Variants in MAPK10 observed in about 807,000 individuals in gnomAD.
MAPK10 encodes the protein mitogen-activated protein kinase 10, also known as JNK3 alpha protein kinase.
MAPK10 carries 25 observed loss-of-function variants against 59.3 expected under a neutral mutation model. The ratio of observed to expected loss-of-function variants is 0.42; its 90% confidence interval spans 0.31 to 0.59. The LOEUF (loss-of-function observed/expected upper bound fraction) is 0.59, where lower values mean the gene tolerates loss of function less well. Among genes scored for constraint, MAPK10 ranks in the 20% least tolerant of loss-of-function variants. The probability of loss-of-function intolerance (pLI) is 0.15; values close to 1 mark genes in which losing one functional copy is unlikely to be tolerated. For synonymous variants in MAPK10, 190 were observed against 200.5 expected, an observed-to-expected ratio of 0.95 and a Z score of 0.44; for missense variants, 351 against 568.9, an observed-to-expected ratio of 0.62 and a Z score of 3.90.
intron 1 of MAPK10, among the ~76,000 whole-genome samples, chr4:86,516,804 GC>G (rs769355705): frequency 3.9e-5 from 6 of 152,162 alleles, no homozygotes; most frequent in Non-Finnish European, 8.8e-5. Context: ...AGATCCAGGA[GC>G]TTTTTGGATG....
chr4:86,318,579 C>G (rs535376825), intron 2 of MAPK10, among the ~76,000 whole-genome samples: 1 of 152,150 alleles, frequency 6.6e-6, no homozygotes, highest in Admixed American at 6.6e-5. Flanking sequence ...CAAAGTCACA[C>G]AGTGGAAAAA....
intron 1 of MAPK10, among the ~76,000 whole-genome samples, chr4:86,531,146 G>C (rs1432882886): frequency 1.3e-5 from 2 of 152,120 alleles, no homozygotes; most frequent in Non-Finnish European, 2.9e-5. Flanking sequence ...AAGAGCACTG[G>C]GGATTTACTA....
intron 4 of MAPK10, among the ~76,000 whole-genome samples, chr4:86,122,160 A>G (rs2059368776): frequency 6.6e-6 from 1 of 152,168 alleles, no homozygotes; most frequent in Admixed American, 6.6e-5. Context: ...TGTAAGGTGG[A>G]TGCCTAAAAT....
At chr4:86,383,491 T>C (rs1305045741) in intron 1 of MAPK10, among the ~76,000 whole-genome samples, 1 of 152,238 alleles carries the variant, frequency 6.6e-6, no homozygotes, top group African/African-American at 2.4e-5. Flanking sequence ...TCCTGGTTTT[T>C]ATTTTTATAT....
At chr4:86,519,731 G>C (rs1756975475) in intron 1 of MAPK10, among the ~76,000 whole-genome samples, 1 of 152,160 alleles carries the variant, frequency 6.6e-6, no homozygotes, top group African/African-American at 2.4e-5. Flanking sequence ...ATGCTTTAAA[G>C]AAGTTCCATT....
At chr4:86,404,073 C>A (rs1744060291) in intron 1 of MAPK10, among the ~76,000 whole-genome samples, 1 of 152,176 alleles carries the variant, frequency 6.6e-6, no homozygotes, top group South Asian at 2.1e-4. Context: ...TCCAAACTTG[C>A]AATTCTTAGT....
At chr4:86,391,604 A>C (rs1168204222) in intron 1 of MAPK10, among the ~76,000 whole-genome samples, 1 of 152,184 alleles carries the variant, frequency 6.6e-6, no homozygotes, top group Non-Finnish European at 1.5e-5. Context: ...TGAGCTCTCT[A>C]TCTCTGGGGA....
At chr4:86,077,590 CATTG>C (rs2149023116) in intron 9 of MAPK10, among the ~76,000 whole-genome samples, 1 of 152,266 alleles carries the variant, frequency 6.6e-6, no homozygotes, top group Admixed American at 6.5e-5. Context: ...TTTCTTCTAT[CATTG>C]ATTGCTTTTT....
chr4:86,030,918 A>T (rs2038879480), intron 12 of MAPK10, among the ~76,000 whole-genome samples: 1 of 152,222 alleles, frequency 6.6e-6, no homozygotes, highest in South Asian at 2.1e-4. Flanking sequence ...TAAATTCTCA[A>T]GTCTTATCAA....
chr4:86,089,748 C>G (rs1393327695), intron 9 of MAPK10, among the ~76,000 whole-genome samples: 1 of 152,032 alleles, frequency 6.6e-6, no homozygotes, highest in Non-Finnish European at 1.5e-5. Flanking sequence ...CACATTTACC[C>G]TTATTTATAA....
chr4:86,042,237 A>C (rs1211315384), intron 11 of MAPK10, among the ~76,000 whole-genome samples: 2 of 152,182 alleles, frequency 1.3e-5, no homozygotes, highest in Admixed American at 1.3e-4. Flanking sequence ...AAAACCAAAC[A>C]CTGCGTGTTC....
chr4:86,249,108 C>A (rs1181808992), intron 2 of MAPK10, among the ~76,000 whole-genome samples: 1 of 152,144 alleles, frequency 6.6e-6, no homozygotes, highest in Non-Finnish European at 1.5e-5. Context: ...TCTGTCAGTT[C>A]CCTTGTGAGG....
At position 86,016,949 on chromosome 4, in the gene MAPK10, T is replaced by C; in HGVS notation, c.*279A>G. ...AATTACACTTTATGGAAAAGGCTTC[T>C]CTAATTGTGTCTGATTTGCTTTCTG... On this transcript the variant is annotated 3_prime_UTR_variant, in exon 14 of 14. Transcript: ENST00000641462. 3.4e-6 allele frequency: 1 copy of C among 295,244 alleles called. No individual in the cohort carries two copies. The highest frequency in any genetic ancestry group is 6.4e-6 in the Non-Finnish European group (1 of 155,898). 18.3% of individuals were successfully genotyped at this position (295,244 alleles called of 1,614,324 possible). A position where few individuals can be genotyped will look rare whatever the true frequency, so the allele number is the denominator to read the frequency against.
At chr4:86,479,091 G>A (rs1316387400) in intron 1 of MAPK10, among the ~76,000 whole-genome samples, 1 of 152,100 alleles carries the variant, frequency 6.6e-6, no homozygotes. Context: ...CACTGGATAG[G>A]TAGAGGCCTT....
intron 11 of MAPK10, among the ~76,000 whole-genome samples, chr4:86,062,164 A>C (rs1476449624): frequency 6.6e-6 from 1 of 152,098 alleles, no homozygotes; most frequent in African/African-American, 2.4e-5. Context: ...ACATGTCTAG[A>C]TGTAAGACAT....
At chr4:86,054,264 T>G (rs1228946484) in intron 11 of MAPK10, among the ~76,000 whole-genome samples, 1 of 152,178 alleles carries the variant, frequency 6.6e-6, no homozygotes, top group African/African-American at 2.4e-5. Flanking sequence ...GTGAAATACA[T>G]ATTCCTATTA....
At chr4:86,528,960 G>T (rs1050397829) in intron 1 of MAPK10, among the ~76,000 whole-genome samples, 4 of 152,166 alleles carry the variant, frequency 2.6e-5, no homozygotes, top group African/African-American at 9.7e-5. Context: ...TTGGGAATTT[G>T]GTGGGGTGGG....
At chr4:86,210,589 G>A (rs191942174) in intron 2 of MAPK10, among the ~76,000 whole-genome samples, 4 of 151,946 alleles carry the variant, frequency 2.6e-5, no homozygotes, top group African/African-American at 9.6e-5. Flanking sequence ...TGTATGCATT[G>A]CATGCCTATA....
At chr4:86,085,629 C>A (rs953797563) in intron 9 of MAPK10, among the ~76,000 whole-genome samples, 1 of 152,104 alleles carries the variant, frequency 6.6e-6, no homozygotes, top group African/African-American at 2.4e-5. Context: ...GAAAAGGGAA[C>A]ACTTGCACAT....
Sources: allele counts gnomAD v4.1 joint callset (sites outside exome capture counted in the v4.1 genomes callset), GRCh38; gene constraint gnomAD v4.1.1; transcripts MANE v1.5; gene names NCBI Gene and HGNC (gene_info 2026-07-23, HGNC 2026-07-21).